ECE1: variants seen among roughly 807,000 people sequenced by gnomAD.
ECE1 encodes the protein endothelin-converting enzyme 1.
In ECE1, 35 loss-of-function variants were observed where a neutral mutation model predicts 98.6. The ratio of observed to expected loss-of-function variants is 0.35; its 90% CI spans 0.27 to 0.47. The LOEUF (loss-of-function observed/expected upper bound fraction) is 0.47, where lower values mean the gene tolerates loss of function less well. ECE1 is among the 20% of genes least tolerant of loss of function. ECE1 has a pLI of 1.00. For synonymous variants in ECE1, 394 were observed against 407.1 expected, an observed-to-expected ratio of 0.97 and a Z score of 0.39; for missense variants, 814 against 1,025.3, an observed-to-expected ratio of 0.79 and a Z score of 2.81.
chr1:21,326,571 G>T (rs1639082382), intron 1 of ECE1, among the ~76,000 whole-genome samples: 1 of 151,988 alleles, frequency 6.6e-6, no homozygotes, highest in South Asian at 2.1e-4. Flanking sequence ...GGAAAATAGG[G>T]GCTCAGGTTC....
chr1:21,227,788 G>A (rs572977984), intron 15 of ECE1, 143 bp downstream of exon 15: 2 of 655,644 alleles, frequency 3.1e-6, no homozygotes, highest in Non-Finnish European at 5.3e-6. Context: ...GGGTGAGGAT[G>A]TTGCTTCCTC....
Position 21,233,581 on chromosome 1 carries a change from G to A in ECE1, c.1647C>T (p.Leu549=). ...NFSWRVTADQ[L]RKAPNRDQWS... ...ACTGATCTCTGTTGGGGGCTTTCCT[G>A]AGCTGATCGGCAGTGACCCTCCATG... Residue 549 remains leucine (L), a synonymous_variant, in exon 14 of 19, where the codon CTC becomes CTT. Coordinates refer to ENST00000374893, the MANE Select transcript of ECE1 (RefSeq NM_001397.3). This position sits in a 1 kb window ranked among gnomAD's most constrained non-coding sequence, Gnocchi z 4.0. The A allele has an allele frequency of 6.2e-7, 1 of 1,613,772 alleles. No homozygotes were observed. Among genetic ancestry groups the A allele is most frequent in the South Asian group, 1.1e-5 (1 of 91,062 alleles).
intron 1 of ECE1, among the ~76,000 whole-genome samples, chr1:21,297,530 CTT>C (rs768958507): frequency 1.0e-4 from 12 of 116,182 alleles, no homozygotes; most frequent in Middle Eastern, 4.3e-3. Context: ...TTTTCTTTTT[CTT>C]TTTTTTTTTT....
chr1:21,326,873 C>G (rs758599952), intron 1 of ECE1, among the ~76,000 whole-genome samples: 1 of 152,166 alleles, frequency 6.6e-6, no homozygotes. Flanking sequence ...GCCCCTGCGT[C>G]TCCTTTCTCT....
At chr1:21,226,308 A>G (rs1460854522) in intron 16 of ECE1, among the ~76,000 whole-genome samples, 1 of 152,162 alleles carries the variant, frequency 6.6e-6, no homozygotes, top group Non-Finnish European at 1.5e-5. Flanking sequence ...CGAGCAGGGC[A>G]CCTCACTACA....
chr1:21,284,728 A>C (rs2098258644), intron 2 of ECE1, among the ~76,000 whole-genome samples: 1 of 152,220 alleles, frequency 6.6e-6, no homozygotes, highest in South Asian at 2.1e-4. Flanking sequence ...CCACGAGACA[A>C]GCCGGGAGCA....
intron 3 of ECE1, among the ~76,000 whole-genome samples, chr1:21,278,547 T>C (rs84657): frequency 0.098 from 14,952 of 152,244 alleles, 1,101 homozygotes; most frequent in East Asian, 0.44. Context: ...AACTTCCGCA[T>C]TGGATTAGCA....
At chr1:21,267,682 A>G (rs1426412437) in intron 4 of ECE1, among the ~76,000 whole-genome samples, 2 of 152,112 alleles carry the variant, frequency 1.3e-5, no homozygotes, top group African/African-American at 4.8e-5. Flanking sequence ...GAATCAATCA[A>G]TCCACGTAAC....
At chr1:21,239,314 G>A (rs987100599) in intron 10 of ECE1, among the ~76,000 whole-genome samples, 3 of 152,236 alleles carry the variant, frequency 2.0e-5, no homozygotes, top group Non-Finnish European at 4.4e-5. Context: ...GCATCCCTCT[G>A]TGGACAGTAT....
chr1:21,222,278 C>G (rs2098168462), intron 17 of ECE1, among the ~76,000 whole-genome samples: 1 of 152,176 alleles, frequency 6.6e-6, no homozygotes, highest in Non-Finnish European at 1.5e-5. Flanking sequence ...TCTTCTCTTT[C>G]TCTCAGATCA....
Position 21,260,219 on chromosome 1 carries a change from C to G in ECE1, c.615+52G>C, listed in dbSNP as rs1050094132. The G allele has an allele frequency of 1.2e-6, 2 of 1,612,096 alleles. No individual in the cohort carries two copies. Among genetic ancestry groups the G allele is most frequent in the Admixed American group, 1.7e-5 (1 of 59,958 alleles). On this transcript the variant is annotated intron_variant, in intron 5 of 18. Coordinates refer to ENST00000374893, the MANE Select transcript of ECE1 (RefSeq NM_001397.3). This position sits in a 1 kb window ranked among gnomAD's most constrained non-coding sequence, Gnocchi z 4.3. The stretch of plus-strand genomic sequence containing the variant: ...GAAGGCTGGAGTGGAAGCCAGGGGG[C>G]GGGCAGGTGGCATGGGCCGGGGCTT...
At chr1:21,341,534 T>C (rs533582007) in intron 1 of ECE1, among the ~76,000 whole-genome samples, 53 of 152,366 alleles carry the variant, frequency 3.5e-4, no homozygotes, top group Middle Eastern at 3.4e-3. Flanking sequence ...AGCCCTCTCA[T>C]GCCTCAAATC....
At chr1:21,245,148 G>C in intron 9 of ECE1, 45 bp from the exon 10 acceptor site, 2 of 1,553,526 alleles carry the variant, frequency 1.3e-6, no homozygotes, top group Non-Finnish European at 1.8e-6. Context: ...ACCTAGGCAG[G>C]GAGGATTGCG....
intron 10 of ECE1, among the ~76,000 whole-genome samples, chr1:21,238,529 T>C (rs1030468165): frequency 5.3e-5 from 8 of 152,124 alleles, no homozygotes; most frequent in Admixed American, 2.0e-4. Flanking sequence ...GTTTGACTGA[T>C]GGGGAAACAC....
chr1:21,230,766 A>G (rs1304145725), intron 14 of ECE1, among the ~76,000 whole-genome samples: 1 of 152,220 alleles, frequency 6.6e-6, no homozygotes, highest in Non-Finnish European at 1.5e-5. Flanking sequence ...GTTGTCTTTG[A>G]TTAAGCCAGA....
chr1:21,257,275 T>C (rs957410449), intron 7 of ECE1, among the ~76,000 whole-genome samples: 2 of 152,244 alleles, frequency 1.3e-5, no homozygotes, highest in African/African-American at 4.8e-5. Flanking sequence ...GTAGCTGTTA[T>C]TGCTGCCTCT....
In ECE1 at chr1:21,279,724, C is replaced by T. The variant is rs1038872725; in HGVS notation, c.139-392G>A. 6.3e-5 allele frequency: 82 copies of T among 1,306,414 alleles called. No individual in the cohort carries two copies. In the Admixed American group the frequency reaches 7.8e-4, roughly 12 times the overall value. 80.9% of individuals were successfully genotyped at this position (1,306,414 alleles called of 1,614,324 possible). On this transcript the variant is annotated intron_variant, in intron 2 of 18. Coordinates refer to ENST00000374893, the MANE Select transcript of ECE1 (RefSeq NM_001397.3). ...GCTCTCTGCAGAGCCCCCACATCAG[C>T]GGGGTCAGGGACAAGGGTGACACAG...
intron 4 of ECE1, among the ~76,000 whole-genome samples, chr1:21,263,332 C>T (rs1490222544): frequency 6.6e-6 from 1 of 151,662 alleles, no homozygotes; most frequent in Non-Finnish European, 1.5e-5. Context: ...AGGCCGGATG[C>T]CCACCTAAGG....
chr1:21,285,485 T>G (rs1024464379), intron 2 of ECE1, among the ~76,000 whole-genome samples: 4 of 152,016 alleles, frequency 2.6e-5, no homozygotes, highest in African/African-American at 9.7e-5. Context: ...TAAACAGACA[T>G]GTCTTTTTAA....
Sources: allele counts gnomAD v4.1 joint callset (sites outside exome capture counted in the v4.1 genomes callset), GRCh38; gene constraint gnomAD v4.1.1; non-coding constraint Gnocchi (gnomAD v3.1); transcripts MANE v1.5; gene names NCBI Gene and HGNC (gene_info 2026-07-23, HGNC 2026-07-21).